ARHGAP44: variants seen among roughly 807,000 people sequenced by gnomAD.
The protein encoded by ARHGAP44 is rho GTPase-activating protein 44.
In ARHGAP44, 43 loss-of-function variants were observed where a neutral mutation model predicts 106.8. The ratio of observed to expected loss-of-function variants is 0.40; its 90% CI spans 0.32 to 0.52. The LOEUF (loss-of-function observed/expected upper bound fraction) is 0.52. ARHGAP44 is among the 20% of genes least tolerant of loss of function. ARHGAP44 has a pLI of 0.48. For synonymous variants in ARHGAP44, 439 were observed against 410.3 expected, an observed-to-expected ratio of 1.07 and a Z score of -0.85; for missense variants, 866 against 1,050.5, an observed-to-expected ratio of 0.82 and a Z score of 2.43.
intron 1 of ARHGAP44, among the ~76,000 whole-genome samples, chr17:12,791,097 C>A (rs1251848572): frequency 6.6e-6 from 1 of 152,142 alleles, no homozygotes; most frequent in East Asian, 1.9e-4. Flanking sequence ...GAGCATACTG[C>A]CCTAGTTACA....
At chr17:12,972,193 G>A (rs1237657792) in intron 16 of ARHGAP44, among the ~76,000 whole-genome samples, 2 of 152,152 alleles carry the variant, frequency 1.3e-5, no homozygotes, top group Admixed American at 6.5e-5. Flanking sequence ...GGGAGTATAT[G>A]TTTTCTCCCT....
chr17:12,842,455 G>GA (rs11451717), intron 1 of ARHGAP44, among the ~76,000 whole-genome samples: 45,949 of 146,244 alleles, frequency 0.31, 11,276 homozygotes, highest in African/African-American at 0.69. Context: ...GAAAAGAAAA[G>GA]AAAAAAATCA....
At position 12,984,748 on chromosome 17, in the gene ARHGAP44, T is replaced by C; in HGVS notation, c.2157T>C (p.Phe719=). The change falls in exon 20 of 21, where the codon TTT becomes TTC. Residue 719 remains phenylalanine (F), a synonymous_variant. Coordinates refer to ENST00000379672, the MANE Select transcript of ARHGAP44 (RefSeq NM_014859.6). ...AAPPLASPSV[F]TSTLSKSRPT... is the part of the protein sequence containing the mutation. ...CTCCCCTGGCCTCTCCTTCTGTCTT[T>C]ACAAGCACTTTGAGCAAATCGCGGC... 2 of 1,613,950 alleles carry C rather than the reference T, an allele frequency of 1.2e-6. No homozygotes were observed. The highest frequency in any genetic ancestry group is 1.7e-6 in the Non-Finnish European group (2 of 1,179,884).
intron 16 of ARHGAP44, among the ~76,000 whole-genome samples, chr17:12,964,447 A>C (rs2039341390): frequency 6.6e-6 from 1 of 152,126 alleles, no homozygotes; most frequent in Non-Finnish European, 1.5e-5. Flanking sequence ...AAGCTGGGCC[A>C]GGACTGTTGA....
chr17:12,813,818 G>A (rs2034511852), intron 1 of ARHGAP44, among the ~76,000 whole-genome samples: 1 of 151,578 alleles, frequency 6.6e-6, no homozygotes, highest in Non-Finnish European at 1.5e-5. Flanking sequence ...TAACCATGTG[G>A]GCAAATTATT....
intron 4 of ARHGAP44, among the ~76,000 whole-genome samples, chr17:12,912,685 T>C (rs1433621513): frequency 1.3e-5 from 2 of 152,142 alleles, no homozygotes; most frequent in African/African-American, 4.8e-5. Context: ...ACATGTCACA[T>C]ACAAAGGATC....
intron 4 of ARHGAP44, among the ~76,000 whole-genome samples, chr17:12,914,032 A>T (rs951364670): frequency 8.0e-5 from 12 of 150,196 alleles, no homozygotes; most frequent in African/African-American, 2.9e-4. Context: ...ACACCTGGGC[A>T]CTGACATTTG....
intron 1 of ARHGAP44, among the ~76,000 whole-genome samples, chr17:12,876,859 C>T (rs1044977229): frequency 7.4e-5 from 11 of 148,952 alleles, no homozygotes; most frequent in African/African-American, 2.2e-4. Context: ...TTTAGTGACC[C>T]GAGACTGTGC....
At position 12,990,463 on chromosome 17, in the gene ARHGAP44, A is replaced by G; in HGVS notation, c.*292A>G. The G allele has an allele frequency of 3.0e-6, 1 of 332,370 alleles. No homozygotes were observed. The highest frequency in any genetic ancestry group is 3.5e-5 in the South Asian group (1 of 28,452). 20.6% of individuals were successfully genotyped at this position (332,370 alleles called of 1,614,324 possible). ...TCAGCCTCCATGCCAGAAAACACCC[A>G]CCTCTCCATCCAAGGCTGGTCAGGA... is the stretch of plus-strand genomic sequence containing the variant. On this transcript the variant is annotated 3_prime_UTR_variant, in exon 21 of 21. Coordinates refer to ENST00000379672, the MANE Select transcript of ARHGAP44 (RefSeq NM_014859.6).
rs116120329 is a variant in ARHGAP44, at chr17:12,913,500, G to A, written c.276-2400G>A. ...TATTAATATGAATAAAGGGAGGGAG[G>A]GGAAATGGAAACGGAAACATAGCTA... is the stretch of plus-strand genomic sequence containing the variant. On this transcript the variant is annotated intron_variant, in intron 4 of 20. Coordinates refer to ENST00000379672, the MANE Select transcript of ARHGAP44 (RefSeq NM_014859.6). 6.6e-3 allele frequency among the ~76,000 whole-genome samples: 1,004 copies of A among 152,018 alleles called. 15 individuals are homozygous for A. Among genetic ancestry groups the A allele is most frequent in the African/African-American group, 0.023 (968 of 41,468 alleles).
At chr17:12,865,182 A>T (rs1258088272) in intron 1 of ARHGAP44, among the ~76,000 whole-genome samples, 1 of 152,176 alleles carries the variant, frequency 6.6e-6, no homozygotes. Context: ...GCATCTGGAG[A>T]GGCAGAATTA....
At chr17:12,942,721 C>G (rs1261178502) in intron 8 of ARHGAP44, among the ~76,000 whole-genome samples, 2 of 152,214 alleles carry the variant, frequency 1.3e-5, no homozygotes, top group African/African-American at 4.8e-5. Flanking sequence ...TTAATTTCCT[C>G]TGTTTTCCTT....
intron 1 of ARHGAP44, among the ~76,000 whole-genome samples, chr17:12,873,082 T>G (rs1666338504): frequency 6.6e-6 from 1 of 151,964 alleles, no homozygotes; most frequent in African/African-American, 2.4e-5. Context: ...TCGTTGCTGC[T>G]AAGGGACAGC....
At chr17:12,817,183 T>C (rs1191266582) in intron 1 of ARHGAP44, among the ~76,000 whole-genome samples, 1 of 151,976 alleles carries the variant, frequency 6.6e-6, no homozygotes, top group Admixed American at 6.6e-5. Context: ...AAGAGGAAAT[T>C]TCATGGGAAA....
At position 12,941,058 on chromosome 17, in the gene ARHGAP44, C is replaced by T. The variant is rs770709455; in HGVS notation, c.585C>T (p.Asp195=). 1.9e-6 allele frequency: 3 copies of T among 1,613,816 alleles called. No homozygotes were observed. Among genetic ancestry groups the T allele is most frequent in the East Asian group, 2.2e-5 (1 of 44,872 alleles). ...GTTGTATATTTTACCTTGCACAGGA[C>T]CAGCTCTCAGCTGATATGTACAGTT... ...EAANRVEICR[D]QLSADMYSFV... Residue 195 remains aspartate (D), a splice_region_variant and synonymous_variant, in exon 8 of 21, where the codon GAC becomes GAT. Coordinates refer to ENST00000379672, the MANE Select transcript of ARHGAP44 (RefSeq NM_014859.6).
intron 1 of ARHGAP44, among the ~76,000 whole-genome samples, chr17:12,883,309 T>C (rs2036790503): frequency 6.6e-6 from 1 of 151,684 alleles, no homozygotes; most frequent in Non-Finnish European, 1.5e-5. Flanking sequence ...GTAAATCTTG[T>C]AGAGGCTTGC....
intron 20 of ARHGAP44, chr17:12,988,553 T>C (rs958462882): frequency 1.3e-5 from 2 of 152,212 alleles, no homozygotes; most frequent in Non-Finnish European, 2.9e-5. Flanking sequence ...AAATCTCTGC[T>C]TCTCCATCAG....
Position 12,827,259 on chromosome 17 carries a change from G to T in ARHGAP44, c.53+37368G>T, listed in dbSNP as rs183726772. ...TTTAATTTATATGACTTGTACTCTA[G>T]ATCTCATTTTATTTTGTTTTATATA... On this transcript the variant is annotated intron_variant, in intron 1 of 20. Transcript: ENST00000379672. Among the ~76,000 whole-genome samples the T allele has an allele frequency of 2.0e-4, 30 of 152,024 alleles. No individual in the cohort carries two copies. In the East Asian group the frequency reaches 5.6e-3, roughly 28 times the overall value.
intron 7 of ARHGAP44, among the ~76,000 whole-genome samples, chr17:12,930,527 C>A (rs1391622536): frequency 6.6e-6 from 1 of 152,120 alleles, no homozygotes; most frequent in African/African-American, 2.4e-5. Flanking sequence ...CGTGAGCCAC[C>A]GTGCCTGGCC....
Sources: gnomAD v4.1 joint callset for allele counts (sites outside exome capture counted in the v4.1 genomes callset) on GRCh38, gnomAD v4.1.1 for gene constraint, MANE v1.5 for transcripts, NCBI Gene and HGNC (gene_info 2026-07-23, HGNC 2026-07-21) for gene names.